The following SOS1 variants were observed in gnomAD, a reference collection of about 807,000 sequenced individuals.
The protein encoded by SOS1 is SOS Ras/Rac guanine nucleotide exchange factor 1.
In SOS1, 25 loss-of-function variants were observed where a neutral mutation model predicts 157.6. The observed-to-expected ratio is 0.16, with a 90% CI of 0.12 to 0.22. The LOEUF (loss-of-function observed/expected upper bound fraction) is 0.22, where lower values mean the gene tolerates loss of function less well. Among genes scored for constraint, SOS1 ranks in the 10% least tolerant of loss-of-function variants. The probability of loss-of-function intolerance (pLI) is 1.00; values close to 1 mark genes in which losing one functional copy is unlikely to be tolerated. For synonymous variants in SOS1, 528 were observed against 534.0 expected (o/e 0.99, Z 0.16); for missense variants, 1,237 against 1,599.1 (o/e 0.77, Z 3.86).
At chr2:39,088,654 T>C (rs1672468532) in intron 1 of SOS1, among the ~76,000 whole-genome samples, 1 of 152,222 alleles carries the variant, frequency 6.6e-6, no homozygotes, top group Admixed American at 6.5e-5. Flanking sequence ...GCATCAGAAT[T>C]CTATTCCTTT....
At chr2:39,037,678 C>G (rs1670405800) in intron 6 of SOS1, among the ~76,000 whole-genome samples, 1 of 151,688 alleles carries the variant, frequency 6.6e-6, no homozygotes, top group African/African-American at 2.4e-5. Context: ...TCTTTTGGCC[C>G]CATTTTTCCA....
intron 6 of SOS1, among the ~76,000 whole-genome samples, chr2:39,037,459 T>C (rs1670397318): frequency 6.6e-6 from 1 of 152,228 alleles, no homozygotes; most frequent in South Asian, 2.1e-4. Flanking sequence ...AATATTCTAC[T>C]GTATGAATAT....
intron 1 of SOS1, among the ~76,000 whole-genome samples, chr2:39,103,721 C>T (rs1673060260): frequency 6.6e-6 from 1 of 152,134 alleles, no homozygotes; most frequent in Non-Finnish European, 1.5e-5. Context: ...ATCCTCATGA[C>T]CTTGGATTTG....
At chr2:39,006,286 T>C in intron 17 of SOS1, 126 bp downstream of exon 17, 1 of 720,288 alleles carries the variant, frequency 1.4e-6, no homozygotes, top group Non-Finnish European at 2.5e-6. Context: ...GGGCTTCAGG[T>C]GCTAAATATT....
At chr2:39,109,050 T>C (rs979229071) in intron 1 of SOS1, among the ~76,000 whole-genome samples, 2 of 151,860 alleles carry the variant, frequency 1.3e-5, no homozygotes, top group African/African-American at 4.8e-5. Context: ...AATACAAAAA[T>C]TAGCTGGGTG....
At chr2:39,042,921 A>C (rs1050505905) in intron 6 of SOS1, among the ~76,000 whole-genome samples, 7 of 152,080 alleles carry the variant, frequency 4.6e-5, no homozygotes, top group Admixed American at 1.3e-4. Flanking sequence ...AACTAGTTTA[A>C]TATTATACAA....
intron 14 of SOS1, among the ~76,000 whole-genome samples, chr2:39,011,147 T>G (rs946096078): frequency 6.6e-6 from 1 of 152,180 alleles, no homozygotes; most frequent in Non-Finnish European, 1.5e-5. Flanking sequence ...TCCACCCGCC[T>G]TGGCCTCCCA....
chr2:39,019,118 G>A (rs1251580376), intron 10 of SOS1, among the ~76,000 whole-genome samples: 1 of 151,696 alleles, frequency 6.6e-6, no homozygotes, highest in Non-Finnish European at 1.5e-5. Flanking sequence ...CGATCTTCTG[G>A]CTTAAGTTTT....
rs1668529392 is a variant in SOS1 at position 38,985,512 on chromosome 2, A to G, written c.*312T>C. On this transcript the variant is annotated 3_prime_UTR_variant, in exon 23 of 23. Transcript: ENST00000402219. ...GACTGTGTTTTCCATCCCTTTAATG[A>G]TCACTTCACAAAAGATCACTTCACA... 9.1e-6 allele frequency: 3 copies of G among 329,870 alleles called. No individual in the cohort carries two copies. In the South Asian group the frequency reaches 1.0e-4, roughly 11 times the overall value. 20.4% of individuals were successfully genotyped at this position (329,870 alleles called of 1,614,324 possible). A position where few individuals can be genotyped will look rare whatever the true frequency, so the allele number is the denominator to read the frequency against.
intron 6 of SOS1, among the ~76,000 whole-genome samples, chr2:39,038,028 C>A (rs2124568173): frequency 6.6e-6 from 1 of 152,258 alleles, no homozygotes; most frequent in South Asian, 2.1e-4. Flanking sequence ...AACACAACAT[C>A]CATTCTGCAG....
At chr2:39,077,827 G>A (rs927600146) in intron 1 of SOS1, among the ~76,000 whole-genome samples, 13 of 152,040 alleles carry the variant, frequency 8.6e-5, no homozygotes, top group African/African-American at 1.4e-4. Flanking sequence ...AGTACATAAC[G>A]GTGATAAGCA....
chr2:39,006,475 C>T lies in SOS1; in HGVS notation c.2728G>A (p.Asp910Asn), dbSNP rs369277679. 2 of 1,610,300 alleles carry T rather than the reference C, an allele frequency of 1.2e-6. No individual in the cohort carries two copies. The highest frequency in any genetic ancestry group is 4.5e-5 in the East Asian group (2 of 44,738). Residue 910 changes from aspartate to asparagine, a missense_variant, in exon 17 of 23, where the codon GAT (aspartate) becomes AAT (asparagine). By Grantham distance (23) the Asp-to-Asn change is conservative (BLOSUM62 1). Coordinates refer to ENST00000402219, the MANE Select transcript of SOS1 (RefSeq NM_005633.4). Reference sequence around the variant, plus strand: ...TTTGCCAAATATTTCTTATAGTGATCTTCACTCAATTCATGAGCTTCTTCT... The same window carrying T: ...TTTGCCAAATATTTCTTATAGTGATTTTCACTCAATTCATGAGCTTCTTCT... Reference protein sequence around the residue: ...ILEEAHELSEDHYKKYLAKLR... With the variant: ...ILEEAHELSENHYKKYLAKLR...
intron 10 of SOS1, among the ~76,000 whole-genome samples, chr2:39,021,525 GAAAAAA>G (rs70954777): frequency 0.011 from 1,134 of 104,704 alleles, 7 homozygotes; most frequent in Non-Finnish European, 0.015. Context: ...TGCTCTACAG[GAAAAAA>G]AAAAAAAAAA....
chr2:39,100,204 G>C (rs760967054), intron 1 of SOS1, among the ~76,000 whole-genome samples: 1 of 152,186 alleles, frequency 6.6e-6, no homozygotes, highest in Non-Finnish European at 1.5e-5. Flanking sequence ...GGAAACCCTT[G>C]TAGACTGTGG....
intron 6 of SOS1, among the ~76,000 whole-genome samples, chr2:39,048,432 G>C (rs1045365257): frequency 2.9e-4 from 44 of 150,554 alleles, no homozygotes; most frequent in African/African-American, 9.8e-4. Flanking sequence ...ACAGAGTCTT[G>C]CTCTGTCACC....
chr2:39,074,607 C>A (rs1228038013), intron 1 of SOS1, among the ~76,000 whole-genome samples: 1 of 152,112 alleles, frequency 6.6e-6, no homozygotes, highest in East Asian at 1.9e-4. Context: ...GTGGCTCATG[C>A]CTGTAATCCC....
At chr2:39,041,949 T>TA (rs965379745) in intron 6 of SOS1, among the ~76,000 whole-genome samples, 15 of 152,346 alleles carry the variant, frequency 9.8e-5, no homozygotes, top group South Asian at 2.1e-4. Flanking sequence ...TAACCAGGTA[T>TA]GACCCAGTGT....
chr2:39,111,108 C>T (rs747768725), intron 1 of SOS1, among the ~76,000 whole-genome samples: 4 of 152,170 alleles, frequency 2.6e-5, no homozygotes, highest in African/African-American at 9.7e-5. Flanking sequence ...TGGCACATGC[C>T]TGTAATCCCA....
At chr2:39,086,505 G>A (rs297124) in intron 1 of SOS1, among the ~76,000 whole-genome samples, 121,192 of 152,168 alleles carry the variant, frequency 0.8, 50,487 homozygotes, top group Non-Finnish European at 0.92. Flanking sequence ...TTAGATATTG[G>A]TAAGCAAGCC....
Sources: gnomAD v4.1 joint callset for allele counts (sites outside exome capture counted in the v4.1 genomes callset) on GRCh38, gnomAD v4.1.1 for gene constraint, MANE v1.5 for transcripts, NCBI Gene and HGNC (gene_info 2026-07-23, HGNC 2026-07-21) for gene names.